Variants in HECA observed in about 807,000 individuals in gnomAD.
The protein encoded by HECA is HECA ribonucleoprotein granule regulator, also known as headcase protein homolog.
A neutral mutation model predicts 37.6 loss-of-function variants in HECA; 13 were observed. The observed-to-expected ratio is 0.35, with a 90% CI of 0.23 to 0.55. The LOEUF (loss-of-function observed/expected upper bound fraction) is 0.55. HECA is among the 20% of genes least tolerant of loss of function. The pLI, the probability that HECA is intolerant of heterozygous loss-of-function variation, is 0.90. For missense variants in HECA, 527 were observed against 701.9 expected (o/e 0.75, Z 2.82); for synonymous variants, 307 against 291.5 (o/e 1.05, Z -0.54).
Position 139,178,114 on chromosome 6 carries a change from T to C in HECA, c.*1009T>C, listed in dbSNP as rs1775077501. 1 of 152,224 alleles carries C rather than the reference T, an allele frequency of 6.6e-6. No homozygotes were observed. The highest frequency in any genetic ancestry group is 2.1e-4 in the South Asian group (1 of 4,832). 9.4% of individuals were successfully genotyped at this position (152,224 alleles called of 1,614,324 possible). A position where few individuals can be genotyped will look rare whatever the true frequency, so the allele number is the denominator to read the frequency against. The stretch of plus-strand genomic sequence containing the variant: ...AAGGGAAAAAAGTGTGAAAGGATGA[T>C]GAAGAAAATAATTTTACTATTTCTT... On this transcript the variant is annotated 3_prime_UTR_variant, in exon 4 of 4. Coordinates refer to ENST00000367658, the MANE Select transcript of HECA (RefSeq NM_016217.3).
intron 1 of HECA, among the ~76,000 whole-genome samples, chr6:139,137,549 C>T (rs1428886993): frequency 6.6e-5 from 10 of 151,548 alleles, no homozygotes; most frequent in African/African-American, 2.4e-4. Context: ...GTAATCAAGA[C>T]GAGACATCCC....
At chr6:139,160,824 ATT>A (rs1396592279) in intron 1 of HECA, among the ~76,000 whole-genome samples, 26 of 152,380 alleles carry the variant, frequency 1.7e-4, no homozygotes, top group African/African-American at 5.5e-4. Context: ...GCGGTATAAA[ATT>A]ATGGTAGCAT....
chr6:139,160,017 G>A (rs143213976), intron 1 of HECA, among the ~76,000 whole-genome samples: 70 of 152,304 alleles, frequency 4.6e-4, no homozygotes, highest in African/African-American at 1.6e-3. Flanking sequence ...AATAGGTAAG[G>A]AGCACAGAGT....
intron 2 of HECA, among the ~76,000 whole-genome samples, chr6:139,173,660 C>A (rs926845670): frequency 6.6e-6 from 1 of 152,158 alleles, no homozygotes; most frequent in Non-Finnish European, 1.5e-5. Context: ...CATTCTGACT[C>A]TTTCCTAATT....
chr6:139,164,080 A>ACTCT (rs71549028), intron 1 of HECA, among the ~76,000 whole-genome samples: 81,675 of 147,998 alleles, frequency 0.55, 23,123 homozygotes, highest in African/African-American at 0.63. Context: ...ACACACACAC[A>ACTCT]CTCTCTCTCT....
chr6:139,139,711 A>G (rs1774491314), intron 1 of HECA, among the ~76,000 whole-genome samples: 1 of 152,102 alleles, frequency 6.6e-6, no homozygotes, highest in African/African-American at 2.4e-5. Context: ...CACTCCCCCA[A>G]CTCCCAGTTG....
In HECA at chr6:139,174,522, G is replaced by C; in HGVS notation, c.1450G>C (p.Ala484Pro). 6.2e-7 allele frequency: 1 copy of C among 1,614,006 alleles called. No homozygotes were observed. Among genetic ancestry groups the C allele is most frequent in the Non-Finnish European group, 8.5e-7 (1 of 1,179,942 alleles). Residue 484 changes from alanine (A) to proline (P), a missense_variant, in exon 3 of 4, where the codon GCC becomes CCC. Transcript: ENST00000367658. The stretch of plus-strand genomic sequence containing the variant: ...TATGTACACCTACGACATCCTGGCT[G>C]CCTCTCCATGTTGTCAGGTAGGTAC... Reference protein sequence around the residue: ...GTMYTYDILAASPCCQARLNC... With the variant: ...GTMYTYDILAPSPCCQARLNC...
At chr6:139,147,796 C>T (rs1774603769) in intron 1 of HECA, among the ~76,000 whole-genome samples, 1 of 152,136 alleles carries the variant, frequency 6.6e-6, no homozygotes, top group African/African-American at 2.4e-5. Context: ...ACTGGCACTT[C>T]CTGTTCTTAA....
chr6:139,141,608 G>A (rs1279185455), intron 1 of HECA, among the ~76,000 whole-genome samples: 3 of 152,188 alleles, frequency 2.0e-5, no homozygotes, highest in East Asian at 3.8e-4. Context: ...GGAAGTCCAA[G>A]GTCACAGCCA....
At chr6:139,148,363 C>T (rs1774609968) in intron 1 of HECA, among the ~76,000 whole-genome samples, 1 of 152,196 alleles carries the variant, frequency 6.6e-6, no homozygotes, top group Non-Finnish European at 1.5e-5. Flanking sequence ...TTGGGCATGG[C>T]ATAAAGTTAG....
chr6:139,146,780 C>T (rs3777682), intron 1 of HECA, among the ~76,000 whole-genome samples: 108,076 of 152,148 alleles, frequency 0.71, 39,645 homozygotes, highest in African/African-American at 0.86. Context: ...TTCCAAATGG[C>T]TTCCAGCTCC....
chr6:139,141,268 T>G (rs2114434609), intron 1 of HECA, among the ~76,000 whole-genome samples: 1 of 152,350 alleles, frequency 6.6e-6, no homozygotes, highest in South Asian at 2.1e-4. Flanking sequence ...CTTGCAGCCT[T>G]AAATTTTTTT....
chr6:139,168,059 A>G (rs1451597792), intron 2 of HECA, among the ~76,000 whole-genome samples: 1 of 152,224 alleles, frequency 6.6e-6, no homozygotes, highest in African/African-American at 2.4e-5. Flanking sequence ...TGAAAATGAT[A>G]TATCCCCACC....
intron 1 of HECA, among the ~76,000 whole-genome samples, chr6:139,154,431 T>C (rs1459438649): frequency 1.3e-5 from 2 of 152,238 alleles, no homozygotes; most frequent in African/African-American, 4.8e-5. Context: ...CAGGCCAAAC[T>C]GCCCCATTGG....
intron 1 of HECA, among the ~76,000 whole-genome samples, chr6:139,157,930 C>T (rs998568381): frequency 6.6e-6 from 1 of 152,200 alleles, no homozygotes; most frequent in Non-Finnish European, 1.5e-5. Context: ...GCCAGCCTTG[C>T]ACTTAATGTG....
intron 1 of HECA, chr6:139,153,260 G>A (rs1008544397): frequency 6.6e-6 from 1 of 151,962 alleles, no homozygotes; most frequent in Non-Finnish European, 1.5e-5. Context: ...AAAAAAACAG[G>A]GTTCTTGTAA....
intron 2 of HECA, chr6:139,170,364 A>G (rs2114483140): frequency 6.6e-6 from 1 of 152,344 alleles, no homozygotes; most frequent in South Asian, 2.1e-4. Context: ...TATAAAATGT[A>G]ACTAACTTAC....
At chr6:139,148,181 T>G in intron 1 of HECA, among the ~76,000 whole-genome samples, 1 of 152,236 alleles carries the variant, frequency 6.6e-6, no homozygotes, top group East Asian at 1.9e-4. Context: ...CAGGGTACTT[T>G]TTGACATACG....
rs1295977499 is a variant in HECA at position 139,167,280 on chromosome 6, C to T, written c.1268C>T (p.Ser423Leu). The change falls in exon 2 of 4, where the codon TCG (serine) becomes TTG (leucine). Residue 423 changes from serine to leucine, a missense_variant. By Grantham distance (145) the Ser-to-Leu change is moderately radical. Coordinates refer to ENST00000367658, the MANE Select transcript of HECA (RefSeq NM_016217.3). ...GATGGAACTTTGTTCCTAAGCCCGTCGAGACATGATGAGATCGAATATGAT... is the reference window on the plus strand; with the variant it reads ...GATGGAACTTTGTTCCTAAGCCCGTTGAGACATGATGAGATCGAATATGAT... ...LVDGTLFLSP[S>L]RHDEIEYDVP... 5 of 1,611,746 alleles carry T rather than the reference C, an allele frequency of 3.1e-6. No individual in the cohort carries two copies. Among genetic ancestry groups the T allele is most frequent in the Non-Finnish European group, 3.4e-6 (4 of 1,178,106 alleles).
Sources: allele counts gnomAD v4.1 joint callset (sites outside exome capture counted in the v4.1 genomes callset), GRCh38; gene constraint gnomAD v4.1.1; transcripts MANE v1.5; gene names NCBI Gene and HGNC (gene_info 2026-07-23, HGNC 2026-07-21).